Variants in RBFOX1 observed in about 807,000 individuals in gnomAD.
The protein encoded by RBFOX1 is RNA binding protein fox-1 homolog 1.
In RBFOX1, 8 loss-of-function variants were observed where a neutral mutation model predicts 57.7. The observed-to-expected ratio is 0.14, with a 90% CI of 0.08 to 0.25. The LOEUF is 0.25. Among genes scored for constraint, RBFOX1 ranks in the 10% least tolerant of loss-of-function variants. The pLI is 1.00. For missense variants in RBFOX1, 611 were observed against 548.5 expected, an observed-to-expected ratio of 1.11 and a Z score of -1.14; for synonymous variants, 326 against 222.4, an observed-to-expected ratio of 1.47 and a Z score of -4.15.
At chr16:6,165,018 A>C (rs995316283) in intron 1 of RBFOX1, among the ~76,000 whole-genome samples, 2 of 152,156 alleles carry the variant, frequency 1.3e-5, no homozygotes, top group African/African-American at 4.8e-5. Context: ...TATTATATAA[A>C]ACACTTTTGT....
At chr16:5,633,088 G>A (rs990996198) in intron 3 of RBFOX1, among the ~76,000 whole-genome samples, 3 of 151,972 alleles carry the variant, frequency 2.0e-5, no homozygotes, top group Non-Finnish European at 4.4e-5. Context: ...GTAGGCACCA[G>A]TCACCATGCC....
At chr16:5,697,952 G>C (rs1044068625) in intron 3 of RBFOX1, among the ~76,000 whole-genome samples, 9 of 152,122 alleles carry the variant, frequency 5.9e-5, no homozygotes, top group Non-Finnish European at 4.4e-5. Flanking sequence ...TAATGAGTAG[G>C]TATTAAGTTT....
At chr16:6,011,651 C>T (rs140180847) in intron 4 of RBFOX1, among the ~76,000 whole-genome samples, 13 of 152,268 alleles carry the variant, frequency 8.5e-5, no homozygotes, top group East Asian at 3.9e-4. Context: ...AAGTCCTAAA[C>T]GGGCATGTAA....
intron 3 of RBFOX1, among the ~76,000 whole-genome samples, chr16:6,661,299 T>A (rs908919692): frequency 6.6e-6 from 1 of 152,162 alleles, no homozygotes; most frequent in Non-Finnish European, 1.5e-5. Flanking sequence ...CCAGGCTCTG[T>A]CGGTCTATGA....
chr16:6,788,414 T>G (rs1046935166), intron 3 of RBFOX1, among the ~76,000 whole-genome samples: 1 of 151,734 alleles, frequency 6.6e-6, no homozygotes, highest in African/African-American at 2.4e-5. Flanking sequence ...CTGAAAATAG[T>G]CAGCCTGCTT....
intron 2 of RBFOX1, chr16:6,483,406 A>G: frequency 5.9e-6 from 9 of 1,533,942 alleles, no homozygotes; most frequent in Non-Finnish European, 7.9e-6. Context: ...AGTCATTTAC[A>G]TTGCTAGCAC....
intron 1 of RBFOX1, among the ~76,000 whole-genome samples, chr16:5,344,900 T>C (rs774583381): frequency 1.4e-4 from 22 of 152,206 alleles, no homozygotes; most frequent in African/African-American, 4.6e-4. Context: ...TCCAAATTCA[T>C]GTTTTTGCCT....
chr16:6,780,390 A>T (rs1567216616), intron 3 of RBFOX1, among the ~76,000 whole-genome samples: 1 of 89,122 alleles, frequency 1.1e-5, no homozygotes, highest in African/African-American at 6.4e-5. Context: ...TATACATATT[A>T]TATATATTTT....
chr16:6,010,268 C>T (rs1229130937), intron 4 of RBFOX1, among the ~76,000 whole-genome samples: 1 of 152,166 alleles, frequency 6.6e-6, no homozygotes, highest in African/African-American at 2.4e-5. Flanking sequence ...AGGATTAACA[C>T]CTCCCCTCCC....
At chr16:5,714,555 C>T (rs768871904) in intron 3 of RBFOX1, among the ~76,000 whole-genome samples, 2 of 152,194 alleles carry the variant, frequency 1.3e-5, no homozygotes, top group African/African-American at 2.4e-5. Context: ...GAAAAATAAA[C>T]CCTTACAATC....
chr16:5,688,857 G>T (rs1219876539), intron 3 of RBFOX1, among the ~76,000 whole-genome samples: 1 of 152,172 alleles, frequency 6.6e-6, no homozygotes, highest in Non-Finnish European at 1.5e-5. Context: ...CGTTTGCCAG[G>T]ACTCTCTTCT....
intron 2 of RBFOX1, among the ~76,000 whole-genome samples, chr16:6,396,401 A>G (rs1480100868): frequency 6.6e-6 from 1 of 152,212 alleles, no homozygotes. Flanking sequence ...ACAGATGTCC[A>G]GAATAGTTAG....
chr16:7,612,405 C>T (rs975783169), intron 10 of RBFOX1, among the ~76,000 whole-genome samples: 1 of 150,456 alleles, frequency 6.6e-6, no homozygotes, highest in Non-Finnish European at 1.5e-5. Context: ...AAGTCTTTGG[C>T]CAATGTGTAT....
intron 3 of RBFOX1, among the ~76,000 whole-genome samples, chr16:5,679,649 T>C (rs909830544): frequency 1.3e-5 from 2 of 152,160 alleles, no homozygotes; most frequent in African/African-American, 2.4e-5. Context: ...TGATTGACCA[T>C]CAATTCTCTT....
chr16:5,423,333 C>T (rs2067412328), intron 1 of RBFOX1, among the ~76,000 whole-genome samples: 1 of 152,130 alleles, frequency 6.6e-6, no homozygotes, highest in African/African-American at 2.4e-5. Flanking sequence ...TTCACCTGCA[C>T]ATATTTGTGT....
At chr16:5,450,546 T>C (rs1184536764) in intron 1 of RBFOX1, among the ~76,000 whole-genome samples, 2 of 152,126 alleles carry the variant, frequency 1.3e-5, no homozygotes, top group African/African-American at 4.8e-5. Flanking sequence ...CTAGGAGAGG[T>C]TGAGCACATC....
intron 2 of RBFOX1, among the ~76,000 whole-genome samples, chr16:6,507,332 C>T (rs1358745053): frequency 2.0e-5 from 3 of 152,028 alleles, no homozygotes; most frequent in Non-Finnish European, 4.4e-5. Context: ...AATGGGTATA[C>T]AGAATGTGGT....
chr16:6,562,568 G>A (rs189276909), intron 2 of RBFOX1, among the ~76,000 whole-genome samples: 1 of 152,198 alleles, frequency 6.6e-6, no homozygotes, highest in Non-Finnish European at 1.5e-5. Flanking sequence ...TGTGTAATTG[G>A]ATATTTCACT....
chr16:7,239,360 G>A (rs1285848745), intron 4 of RBFOX1, among the ~76,000 whole-genome samples: 5 of 152,132 alleles, frequency 3.3e-5, no homozygotes, highest in South Asian at 2.1e-4. Flanking sequence ...TTAGCCAGGC[G>A]TGGTGGTGCA....
Sources: allele counts gnomAD v4.1 joint callset (sites outside exome capture counted in the v4.1 genomes callset), GRCh38; gene constraint gnomAD v4.1.1; transcripts MANE v1.5; gene names NCBI Gene and HGNC (gene_info 2026-07-23, HGNC 2026-07-21).